The following ZC3H18 variants were observed in gnomAD, a reference collection of about 807,000 sequenced individuals.
ZC3H18 encodes zinc finger CCCH domain-containing protein 18.
A neutral mutation model predicts 106.1 loss-of-function variants in ZC3H18; 8 were observed. That is an observed-to-expected ratio of 0.08 (90% CI 0.04 to 0.14). The LOEUF is 0.14. Ranked by LOEUF, ZC3H18 falls within the 10% of genes least tolerant of loss-of-function variation. The pLI is 1.00. For missense variants in ZC3H18, 1,318 were observed against 1,278.4 expected (o/e 1.03, Z -0.47); for synonymous variants, 635 against 522.1 (o/e 1.22, Z -2.95).
chr16:88,631,105 C>T lies in ZC3H18; in HGVS notation c.2668C>T (p.Arg890Cys), dbSNP rs766808471. ...KAPAAPADRK[R>C]QLSPQSKSSS... ...GTCTTCCCCACCCCCTTGTAGGAAG[C>T]GCCAGCTGTCACCCCAGTCCAAGAG... The change falls in exon 18 of 18, where the codon CGC becomes TGC. Residue 890 changes from arginine to cysteine, a missense_variant. Arg to Cys is a radical substitution (Grantham distance 180). This residue lies in a region of ZC3H18 where 848 missense variants were observed against 821.7 expected (regional missense o/e 1.03). Transcript: ENST00000301011. 10 of 1,611,812 alleles carry T rather than the reference C, an allele frequency of 6.2e-6. No homozygotes were observed. The highest frequency in any genetic ancestry group is 2.2e-5 in the East Asian group (1 of 44,862).
At chr16:88,628,723 C>A (rs1191324519) in intron 15 of ZC3H18, 35 bp from the exon 16 acceptor site, 6 of 1,610,300 alleles carry the variant, frequency 3.7e-6, no homozygotes, top group Admixed American at 1.7e-5. Flanking sequence ...TGGCTCCTGG[C>A]CCTGCTGTCC....
intron 11 of ZC3H18, chr16:88,624,263 C>G: frequency 1.4e-6 from 1 of 731,900 alleles, no homozygotes; most frequent in Non-Finnish European, 2.2e-6. Context: ...CAGCAGCACT[C>G]CCTCGGGAAC....
At chr16:88,594,076 C>T (rs535803809) in intron 3 of ZC3H18, among the ~76,000 whole-genome samples, 1 of 152,166 alleles carries the variant, frequency 6.6e-6, no homozygotes, top group Admixed American at 6.5e-5. Flanking sequence ...GCCCCTCCCT[C>T]TCTAGCTGCA....
In ZC3H18 at chr16:88,624,446, C is replaced by G. The variant is rs1042347969; in HGVS notation, c.1899-156C>G. On this transcript the variant is annotated intron_variant, in intron 11 of 17. Coordinates refer to ENST00000301011, the MANE Select transcript of ZC3H18 (RefSeq NM_144604.4). ...AAGCCGTTCCCAAGCACTCTGACACCGATGGGTGGGGAGCCGTGTCCAGGC... is the reference window on the plus strand; with the variant it reads ...AAGCCGTTCCCAAGCACTCTGACACGGATGGGTGGGGAGCCGTGTCCAGGC... 2.3e-5 allele frequency: 28 copies of G among 1,214,132 alleles called. No individual in the cohort carries two copies. The Admixed American group carries it at 2.8e-4, about 12-fold the overall frequency. The allele number at this position is 1,214,132 out of a possible 1,614,324, so 75.2% of individuals were successfully genotyped here.
At chr16:88,594,846 G>GAT (rs1265712431) in intron 3 of ZC3H18, among the ~76,000 whole-genome samples, 3 of 152,194 alleles carry the variant, frequency 2.0e-5, no homozygotes, top group African/African-American at 2.4e-5. Flanking sequence ...CAAGCGTAAA[G>GAT]ATTAATAAGA....
At chr16:88,606,490 C>T (rs191666785) in intron 6 of ZC3H18, among the ~76,000 whole-genome samples, 4 of 152,350 alleles carry the variant, frequency 2.6e-5, no homozygotes, top group East Asian at 3.9e-4. Flanking sequence ...AATTTGCCGG[C>T]ACAGTCCTCT....
chr16:88,575,407 T>G (rs1350474008), intron 1 of ZC3H18, among the ~76,000 whole-genome samples: 1 of 151,958 alleles, frequency 6.6e-6, no homozygotes, highest in Non-Finnish European at 1.5e-5. Context: ...GACCGTGACA[T>G]ACGTTATTTT....
chr16:88,602,825 T>C (rs1464865674), intron 6 of ZC3H18, among the ~76,000 whole-genome samples: 1 of 152,164 alleles, frequency 6.6e-6, no homozygotes. Context: ...TTGCAAATAA[T>C]TGTCACATAG....
intron 8 of ZC3H18, among the ~76,000 whole-genome samples, chr16:88,617,771 T>A (rs141401639): frequency 0.012 from 1,831 of 152,350 alleles, 40 homozygotes; most frequent in African/African-American, 0.042. Context: ...CCCTGGTAAG[T>A]TCCGGACACC....
intron 1 of ZC3H18, 72 bp from the exon 2 acceptor site, chr16:88,577,038 G>C (rs1914794523): frequency 1.3e-5 from 19 of 1,474,362 alleles, no homozygotes; most frequent in Non-Finnish European, 1.7e-5. Context: ...GCTGCTTCAG[G>C]CCAGGAAAGT....
At chr16:88,625,397 G>C (rs1597359922) in intron 13 of ZC3H18, 130 bp downstream of exon 13, 2 of 1,178,786 alleles carry the variant, frequency 1.7e-6, no homozygotes, top group Admixed American at 2.2e-5. Context: ...AGTCACCCTG[G>C]GGCTGTGGAA....
At chr16:88,593,775 G>A (rs1336197235) in intron 3 of ZC3H18, among the ~76,000 whole-genome samples, 1 of 152,222 alleles carries the variant, frequency 6.6e-6, no homozygotes, top group Non-Finnish European at 1.5e-5. Context: ...GGAGAACAAC[G>A]GACAGTGTTA....
chr16:88,595,805 C>CA (rs11302562), intron 3 of ZC3H18, among the ~76,000 whole-genome samples: 8 of 143,566 alleles, frequency 5.6e-5, no homozygotes, highest in South Asian at 4.4e-4. Context: ...GACTCCATCT[C>CA]AAAAAAAAAA....
intron 3 of ZC3H18, among the ~76,000 whole-genome samples, chr16:88,591,835 G>T (rs1326066642): frequency 6.6e-6 from 1 of 152,224 alleles, no homozygotes; most frequent in Non-Finnish European, 1.5e-5. Context: ...TGATGACGTG[G>T]TGGTTGTGTG....
chr16:88,625,060 G>C (rs577641052), intron 12 of ZC3H18, 142 bp from the exon 13 acceptor site: 2 of 1,004,456 alleles, frequency 2.0e-6, no homozygotes, highest in African/African-American at 3.2e-5. Context: ...TGAGCCTAAA[G>C]GAAGACAGGC....
At chr16:88,571,085 T>C (rs1276599554) in intron 1 of ZC3H18, among the ~76,000 whole-genome samples, 1 of 152,116 alleles carries the variant, frequency 6.6e-6, no homozygotes, top group Non-Finnish European at 1.5e-5. Context: ...CTCTTAGGAG[T>C]ATGTAACTTC....
At position 88,624,034 on chromosome 16, in the gene ZC3H18, G is replaced by A. The variant is rs772324113; in HGVS notation, c.1870G>A (p.Glu624Lys). The change falls in exon 11 of 18, where the codon GAG (glutamate) becomes AAG (lysine). Residue 624 changes from glutamate (E) to lysine (K), a missense_variant. Around this residue, in one of 6 missense-constraint regions of ZC3H18, gnomAD observed 848 missense variants for 821.7 expected, o/e 1.03. Coordinates refer to ENST00000301011, the MANE Select transcript of ZC3H18 (RefSeq NM_144604.4). ...TAGACCTTCCATCAGAACCAAGGGA[G>A]AGCCGGCCCCGCCGCCCGGGAAAGC... ...PHRPSIRTKGEPAPPPGKAGE... is the reference protein window; with the variant it reads ...PHRPSIRTKGKPAPPPGKAGE... 6.2e-7 allele frequency: 1 copy of A among 1,614,052 alleles called. No homozygotes were observed. The highest frequency in any genetic ancestry group is 8.5e-7 in the Non-Finnish European group (1 of 1,179,938).
chr16:88,617,860 G>A (rs1905720844), intron 8 of ZC3H18, among the ~76,000 whole-genome samples: 1 of 152,252 alleles, frequency 6.6e-6, no homozygotes, highest in South Asian at 2.1e-4. Context: ...AGTTTTTTGG[G>A]CTGAGCCCTC....
At chr16:88,605,379 G>T (rs898497530) in intron 6 of ZC3H18, among the ~76,000 whole-genome samples, 1 of 152,264 alleles carries the variant, frequency 6.6e-6, no homozygotes, top group Admixed American at 6.5e-5. Context: ...CAACAGGAAC[G>T]TGGGCAACAG....
Sources: gnomAD v4.1 joint callset for allele counts (sites outside exome capture counted in the v4.1 genomes callset) on GRCh38, gnomAD v4.1.1 for gene constraint, gnomAD v4.1.1 regional missense constraint, MANE v1.5 for transcripts, NCBI Gene and HGNC (gene_info 2026-07-23, HGNC 2026-07-21) for gene names.